The following ZC3H4 variants were observed in gnomAD, a reference collection of about 807,000 sequenced individuals.
ZC3H4 encodes the protein zinc finger CCCH domain-containing protein 4.
A neutral mutation model predicts 108.3 loss-of-function variants in ZC3H4; 13 were observed. The observed-to-expected ratio is 0.12, with a 90% CI of 0.08 to 0.19. ZC3H4 has a LOEUF of 0.19. ZC3H4 is among the 10% of genes least tolerant of loss of function. The pLI is 1.00. For synonymous variants in ZC3H4, 917 were observed against 749.6 expected (o/e 1.22, Z -3.65); for missense variants, 1,734 against 1,838.8 (o/e 0.94, Z 1.04).
At chr19:47,079,089 G>A (rs1451212711) in intron 11 of ZC3H4, among the ~76,000 whole-genome samples, 2 of 146,398 alleles carry the variant, frequency 1.4e-5, no homozygotes, top group Admixed American at 1.4e-4. Flanking sequence ...GAGTGCAATG[G>A]CACGATCTCA....
Position 47,069,155 on chromosome 19 carries a change from C to G in ZC3H4, c.2335G>C (p.Glu779Gln), listed in dbSNP as rs756950439. The change falls in exon 14 of 15, where the codon GAG (glutamate) becomes CAG (glutamine). Residue 779 changes from glutamate (E) to glutamine (Q), a missense_variant. By Grantham distance (29) the Glu-to-Gln change is conservative. Around this residue, in one of 9 missense-constraint regions of ZC3H4, gnomAD observed 540 missense variants for 484.1 expected, o/e 1.12. Transcript: ENST00000253048. ...LYLRIQQKQQ[E>Q]EEERARRLAE... Reference sequence around the variant, plus strand: ...AGCCTCCTCGCTCTCTCCTCCTCCTCCTGCTGCTTCTGCTGGATCCTCAGG... The same window carrying G: ...AGCCTCCTCGCTCTCTCCTCCTCCTGCTGCTGCTTCTGCTGGATCCTCAGG... The G allele has an allele frequency of 1.6e-5, 25 of 1,607,968 alleles. No homozygotes were observed. The highest frequency in any genetic ancestry group is 1.6e-4 in the Middle Eastern group (1 of 6,062).
At chr19:47,084,831 C>T (rs1347279269) in intron 8 of ZC3H4, among the ~76,000 whole-genome samples, 3 of 152,180 alleles carry the variant, frequency 2.0e-5, no homozygotes, top group African/African-American at 7.2e-5. Context: ...TTAGGTATGG[C>T]TGCAGGTGCT....
At position 47,066,607 on chromosome 19, in the gene ZC3H4, G is replaced by T; in HGVS notation, c.3661C>A (p.Pro1221Thr). ...GGGGCTGCAGCAGCCTTGGGCCGGGGCCGGTTGTAGCTGTTGTATCTGTCC... is the reference window on the plus strand; with the variant it reads ...GGGGCTGCAGCAGCCTTGGGCCGGGTCCGGTTGTAGCTGTTGTATCTGTCC... ...PTDRYNSYNR[P>T]RPKAAAAPAA... Residue 1221 changes from proline to threonine, a missense_variant, in exon 15 of 15, where the codon CCC (proline) becomes ACC (threonine). Physicochemically the swap from Pro to Thr is conservative, Grantham distance 38. Transcript: ENST00000253048. The T allele has an allele frequency of 6.2e-7, 1 of 1,607,156 alleles. No homozygotes were observed. Among genetic ancestry groups the T allele is most frequent in the Non-Finnish European group, 8.5e-7 (1 of 1,176,816 alleles).
rs1000034897 is a variant in ZC3H4 at position 47,064,809 on chromosome 19, A to C, written c.*1547T>G. On this transcript the variant is annotated 3_prime_UTR_variant, in exon 15 of 15. Transcript: ENST00000253048. ...CCTCAGGGCTGTGCAGCCCTGTAGG[A>C]CACCCTGCCTCCTGGCTCCAAACTA... The C allele has an allele frequency of 6.6e-6, 1 of 151,890 alleles. No individual in the cohort carries two copies. The highest frequency in any genetic ancestry group is 2.4e-5 in the African/African-American group (1 of 41,304). The allele number at this position is 151,890 out of a possible 1,614,324, so 9.4% of individuals were successfully genotyped here.
intron 5 of ZC3H4, among the ~76,000 whole-genome samples, chr19:47,089,238 T>C (rs1166985909): frequency 1.4e-5 from 2 of 141,930 alleles, no homozygotes; most frequent in East Asian, 4.0e-4. Flanking sequence ...AAAGAATGAA[T>C]GAACAGCTAC....
At chr19:47,090,525 C>CG (rs1192615731) in intron 4 of ZC3H4, among the ~76,000 whole-genome samples, 1 of 152,126 alleles carries the variant, frequency 6.6e-6, no homozygotes, top group Non-Finnish European at 1.5e-5. Flanking sequence ...GGGAAGCAGG[C>CG]GGGGGCTGCT....
chr19:47,090,198 C>CAG lies in ZC3H4; in HGVS notation c.493-11_493-10dup. 6.2e-7 allele frequency: 1 copy of CAG among 1,614,010 alleles called. No individual in the cohort carries two copies. The highest frequency in any genetic ancestry group is 8.5e-7 in the Non-Finnish European group (1 of 1,179,956). On this transcript the variant is annotated splice_polypyrimidine_tract_variant and intron_variant, in intron 4 of 14. Transcript: ENST00000253048. The stretch of plus-strand genomic sequence containing the variant: ...GGGTACTGCTGGTGGGACTGCGTCC[C>CAG]AGAGATGGGGAAAAGAGGTGAGCCG...
intron 11 of ZC3H4, among the ~76,000 whole-genome samples, chr19:47,074,456 T>C (rs1045275902): frequency 6.6e-6 from 1 of 152,154 alleles, no homozygotes; most frequent in Non-Finnish European, 1.5e-5. Context: ...TGGACTAGAA[T>C]GTCTCATCAG....
intron 4 of ZC3H4, among the ~76,000 whole-genome samples, chr19:47,092,242 T>TA (rs1284584622): frequency 6.6e-6 from 1 of 152,018 alleles, no homozygotes; most frequent in African/African-American, 2.4e-5. Context: ...CCACTAATTT[T>TA]AAAAAATCCG....
At chr19:47,078,346 T>C (rs374577811) in intron 11 of ZC3H4, among the ~76,000 whole-genome samples, 276 of 151,524 alleles carry the variant, frequency 1.8e-3, no homozygotes, top group African/African-American at 6.6e-3. Flanking sequence ...CGGACGGGCA[T>C]GGTGGCTCAC....
At chr19:47,109,846 G>A (rs943852679) in intron 2 of ZC3H4, among the ~76,000 whole-genome samples, 5 of 152,202 alleles carry the variant, frequency 3.3e-5, no homozygotes, top group Non-Finnish European at 7.3e-5. Flanking sequence ...ACTTCAACGT[G>A]TTTTGTCTTT....
chr19:47,081,012 C>T (rs1320079090), intron 11 of ZC3H4, among the ~76,000 whole-genome samples: 1 of 152,230 alleles, frequency 6.6e-6, no homozygotes, highest in East Asian at 1.9e-4. Flanking sequence ...GCCTTGGCCT[C>T]CCAAAGTGCT....
chr19:47,099,821 TAAA>T (rs34876026), intron 2 of ZC3H4, among the ~76,000 whole-genome samples: 12 of 103,142 alleles, frequency 1.2e-4, no homozygotes, highest in African/African-American at 2.5e-4. Context: ...TACAAGAGTT[TAAA>T]AAAAAAAAAA....
intron 8 of ZC3H4, 146 bp from the exon 9 acceptor site, chr19:47,084,601 G>C: frequency 1.3e-6 from 1 of 756,594 alleles, no homozygotes; most frequent in Non-Finnish European, 2.2e-6. Flanking sequence ...ATCTAACACG[G>C]AGGCTGCGTG....
At chr19:47,076,767 A>G (rs539669896) in intron 11 of ZC3H4, among the ~76,000 whole-genome samples, 1 of 152,030 alleles carries the variant, frequency 6.6e-6, no homozygotes, top group South Asian at 2.1e-4. Context: ...GGCAGAGCCG[A>G]GCAGATCACG....
intron 11 of ZC3H4, among the ~76,000 whole-genome samples, chr19:47,078,591 C>T (rs958364196): frequency 9.9e-5 from 15 of 151,280 alleles, no homozygotes; most frequent in Non-Finnish European, 1.3e-4. Flanking sequence ...ATCAGGAATT[C>T]GAGACCAGCC....
intron 2 of ZC3H4, among the ~76,000 whole-genome samples, chr19:47,108,501 T>C (rs1568570690): frequency 6.6e-6 from 1 of 152,072 alleles, no homozygotes; most frequent in East Asian, 1.9e-4. Flanking sequence ...GGGAAGAAGG[T>C]AAAAGATCTA....
chr19:47,094,330 G>A, intron 3 of ZC3H4, 59 bp downstream of exon 3: 1 of 1,588,120 alleles, frequency 6.3e-7, no homozygotes, highest in South Asian at 1.1e-5. Context: ...CTCAGCCCCT[G>A]GGGCTCTCAG....
intron 2 of ZC3H4, among the ~76,000 whole-genome samples, chr19:47,110,002 A>T (rs1202798228): frequency 6.6e-6 from 1 of 152,136 alleles, no homozygotes; most frequent in African/African-American, 2.4e-5. Context: ...CTGGGCGTGT[A>T]ACACGTTTGC....
Sources: gnomAD v4.1 joint callset for allele counts (sites outside exome capture counted in the v4.1 genomes callset) on GRCh38, gnomAD v4.1.1 for gene constraint, gnomAD v4.1.1 regional missense constraint, MANE v1.5 for transcripts, NCBI Gene and HGNC (gene_info 2026-07-23, HGNC 2026-07-21) for gene names.